Variants in YPEL2 observed in about 807,000 individuals in gnomAD.
YPEL2 encodes the protein protein yippee-like 2.
A neutral mutation model predicts 19.1 loss-of-function variants in YPEL2; 2 were observed. The ratio of observed to expected loss-of-function variants is 0.10; its 90% CI spans 0.04 to 0.33. YPEL2 has a LOEUF of 0.33. Among genes scored for constraint, YPEL2 ranks in the 10% least tolerant of loss-of-function variants. The pLI, the probability that YPEL2 is intolerant of heterozygous loss-of-function variation, is 1.00. For synonymous variants in YPEL2, 52 were observed against 50.0 expected, an observed-to-expected ratio of 1.04 and a Z score of -0.17; for missense variants, 66 against 140.7, an observed-to-expected ratio of 0.47 and a Z score of 2.68.
At chr17:59,344,532 T>C (rs915482825) in intron 1 of YPEL2, among the ~76,000 whole-genome samples, 2 of 152,128 alleles carry the variant, frequency 1.3e-5, no homozygotes, top group African/African-American at 4.8e-5. Context: ...CTGAGGCAGG[T>C]GGACCACCTG....
chr17:59,337,022 T>C (rs1369505803), intron 1 of YPEL2, among the ~76,000 whole-genome samples: 1 of 152,148 alleles, frequency 6.6e-6, no homozygotes, highest in Non-Finnish European at 1.5e-5. Flanking sequence ...TCCGTTGTTA[T>C]TTTTACCGAG....
At chr17:59,367,501 A>G (rs1305385600) in intron 2 of YPEL2, among the ~76,000 whole-genome samples, 1 of 152,214 alleles carries the variant, frequency 6.6e-6, no homozygotes, top group African/African-American at 2.4e-5. Context: ...TAAACAAATG[A>G]GCATGGATGT....
chr17:59,345,602 C>T lies in YPEL2; in HGVS notation c.-195-7613C>T, dbSNP rs141188444. On this transcript the variant is annotated intron_variant, in intron 1 of 4. Transcript: ENST00000312655. ...AATGACAGCAATAATATCAGGTCCC[C>T]AGCTAAGCCACAGAAGCCTACTTAA... Among the ~76,000 whole-genome samples, 23 of 152,220 alleles carry T rather than the reference C, an allele frequency of 1.5e-4. No individual in the cohort carries two copies. The East Asian group carries it at 4.4e-3, about 29-fold the overall frequency.
intron 4 of YPEL2, 103 bp downstream of exon 4, chr17:59,389,571 T>A (rs2047997603): frequency 2.3e-6 from 2 of 866,160 alleles, no homozygotes; most frequent in Admixed American, 4.0e-5. Context: ...CTTGTGGGAT[T>A]GTCTTAGACC....
chr17:59,399,759 T>C lies in YPEL2; in HGVS notation c.*2569T>C, dbSNP rs2147964211. The C allele has an allele frequency of 6.5e-6, 1 of 152,810 alleles. No homozygotes were observed. The highest frequency in any genetic ancestry group is 1.5e-5 in the Non-Finnish European group (1 of 68,054). The allele number at this position is 152,810 out of a possible 1,614,324, so 9.5% of individuals were successfully genotyped here. On this transcript the variant is annotated 3_prime_UTR_variant, in exon 5 of 5. Coordinates refer to ENST00000312655, the MANE Select transcript of YPEL2 (RefSeq NM_001005404.4). ...CATTGGAGAGGCCACAGCTGAGCTA[T>C]GGAGATGCTAAATTAACTCATGGCC...
chr17:59,339,450 C>T (rs1031224288), intron 1 of YPEL2, among the ~76,000 whole-genome samples: 2 of 152,176 alleles, frequency 1.3e-5, no homozygotes, highest in African/African-American at 4.8e-5. Context: ...TCTGTTGTCC[C>T]ACCTTCTGGC....
intron 1 of YPEL2, among the ~76,000 whole-genome samples, chr17:59,336,983 C>T (rs1245302379): frequency 1.3e-5 from 2 of 152,098 alleles, no homozygotes; most frequent in Non-Finnish European, 2.9e-5. Context: ...TTAGGCTGGG[C>T]CATCTGCATG....
At chr17:59,347,772 A>G (rs889082866) in intron 1 of YPEL2, among the ~76,000 whole-genome samples, 4 of 152,154 alleles carry the variant, frequency 2.6e-5, no homozygotes, top group Non-Finnish European at 5.9e-5. Context: ...GCTTGAAGAC[A>G]AGTTAAAGGA....
chr17:59,370,238 A>G (rs751037515), intron 2 of YPEL2, among the ~76,000 whole-genome samples: 6 of 151,758 alleles, frequency 4.0e-5, no homozygotes, highest in Non-Finnish European at 7.4e-5. Context: ...AATTTTTTGT[A>G]TTTTTTAGTA....
At chr17:59,376,368 G>A (rs931364540) in intron 2 of YPEL2, among the ~76,000 whole-genome samples, 9 of 152,058 alleles carry the variant, frequency 5.9e-5, no homozygotes, top group Non-Finnish European at 1.0e-4. Flanking sequence ...ACAGGCACCC[G>A]CCACCACATC....
intron 1 of YPEL2, among the ~76,000 whole-genome samples, chr17:59,343,771 A>G (rs2047742860): frequency 6.6e-6 from 1 of 152,162 alleles, no homozygotes; most frequent in South Asian, 2.1e-4. Flanking sequence ...GCTACTAGGA[A>G]ACCACTGGAG....
At chr17:59,394,461 C>G (rs1391178850) in intron 4 of YPEL2, among the ~76,000 whole-genome samples, 1 of 148,466 alleles carries the variant, frequency 6.7e-6, no homozygotes, top group Non-Finnish European at 1.5e-5. Flanking sequence ...GGATGGCGGC[C>G]GGGAAGAGGC....
chr17:59,390,650 G>T (rs753922136), intron 4 of YPEL2, among the ~76,000 whole-genome samples: 1 of 152,214 alleles, frequency 6.6e-6, no homozygotes, highest in Non-Finnish European at 1.5e-5. Flanking sequence ...TCCCTTTGGG[G>T]CCTGGGGAAA....
intron 3 of YPEL2, 38 bp from the exon 4 acceptor site, chr17:59,389,322 A>G (rs1234881396): frequency 1.3e-6 from 2 of 1,569,530 alleles, no homozygotes; most frequent in Admixed American, 1.7e-5. Context: ...TGTGCGTGTC[A>G]CTAACTACCC....
chr17:59,388,220 T>A, intron 2 of YPEL2, 107 bp from the exon 3 acceptor site: 1 of 1,073,282 alleles, frequency 9.3e-7, no homozygotes, highest in Non-Finnish European at 1.5e-6. Flanking sequence ...TACTCCCTTT[T>A]GCTGTGTCAG....
intron 2 of YPEL2, among the ~76,000 whole-genome samples, chr17:59,377,576 G>T (rs2047928662): frequency 6.6e-6 from 1 of 152,204 alleles, no homozygotes; most frequent in Admixed American, 6.5e-5. Context: ...CTCTCTGCAG[G>T]ATGCTGAGAG....
chr17:59,399,525 T>C lies in YPEL2; in HGVS notation c.*2335T>C, dbSNP rs189996633. ...GCAGGCTCCAGTCAGACCCTGGTTC[T>C]GAATGTTTTTTTTTTCGGTGACTAT... On this transcript the variant is annotated 3_prime_UTR_variant, in exon 5 of 5. Transcript: ENST00000312655. 6.6e-6 allele frequency: 1 copy of C among 152,034 alleles called. No individual in the cohort carries two copies. The highest frequency in any genetic ancestry group is 1.9e-4 in the East Asian group (1 of 5,188). 9.4% of individuals were successfully genotyped at this position (152,034 alleles called of 1,614,324 possible).
chr17:59,345,689 C>T (rs1272016398), intron 1 of YPEL2, among the ~76,000 whole-genome samples: 1 of 152,132 alleles, frequency 6.6e-6, no homozygotes, highest in Non-Finnish European at 1.5e-5. Context: ...CGTGAGTCAA[C>T]CTGGGGGACG....
chr17:59,385,652 G>T (rs2047976214), intron 2 of YPEL2, among the ~76,000 whole-genome samples: 1 of 152,150 alleles, frequency 6.6e-6, no homozygotes, highest in African/African-American at 2.4e-5. Context: ...AGTGGTAAGA[G>T]GATGAGGAGG....
Sources: allele counts gnomAD v4.1 joint callset (sites outside exome capture counted in the v4.1 genomes callset), GRCh38; gene constraint gnomAD v4.1.1; transcripts MANE v1.5; gene names NCBI Gene and HGNC (gene_info 2026-07-23, HGNC 2026-07-21).